The following ARHGAP6 variants were observed in gnomAD, a reference collection of about 807,000 sequenced individuals.
The protein encoded by ARHGAP6 is rho GTPase-activating protein 6.
A neutral mutation model predicts 55.7 loss-of-function variants in ARHGAP6; 16 were observed. The observed-to-expected ratio is 0.29, with a 90% CI of 0.19 to 0.44. The LOEUF is 0.44. Ranked by LOEUF, ARHGAP6 falls within the 20% of genes least tolerant of loss-of-function variation. ARHGAP6 has a pLI of 1.00. For missense variants in ARHGAP6, 698 were observed against 808.9 expected (o/e 0.86, Z 1.66); for synonymous variants, 382 against 360.9 (o/e 1.06, Z -0.66).
At chrX:11,620,913 T>C (rs1021694507) in intron 1 of ARHGAP6, among the ~76,000 whole-genome samples, 6 of 112,236 alleles carry the variant, frequency 5.3e-5, no homozygotes, top group African/African-American at 1.9e-4. Context: ...ACCTGGTTTA[T>C]ATGAAGTTAA....
chrX:11,275,817 C>T (rs1014464446), intron 1 of ARHGAP6, among the ~76,000 whole-genome samples: 1 of 111,300 alleles, frequency 9.0e-6, no homozygotes, highest in African/African-American at 3.3e-5. Flanking sequence ...TGCTCTCAGC[C>T]CAAATGGCTT....
chrX:11,217,944 C>T (rs766228843), intron 2 of ARHGAP6, among the ~76,000 whole-genome samples: 10 of 111,880 alleles, frequency 8.9e-5, no homozygotes, highest in African/African-American at 3.2e-4. Flanking sequence ...TAGCCAGTTT[C>T]CCCAACACCA....
At chrX:11,395,072 C>A (rs980890979) in intron 1 of ARHGAP6, among the ~76,000 whole-genome samples, 1 of 111,934 alleles carries the variant, frequency 8.9e-6, no homozygotes, top group Non-Finnish European at 1.9e-5. Context: ...TGGACTAAGG[C>A]CATGCATTTT....
At chrX:11,636,570 A>G (rs2052422940) in intron 1 of ARHGAP6, among the ~76,000 whole-genome samples, 1 of 111,349 alleles carries the variant, frequency 9.0e-6, no homozygotes, top group Non-Finnish European at 1.9e-5. Flanking sequence ...AAGGTCTCCA[A>G]TGACTTGGGG....
chrX:11,315,255 G>A (rs189624557), intron 1 of ARHGAP6, among the ~76,000 whole-genome samples: 2 of 112,417 alleles, frequency 1.8e-5, no homozygotes, highest in East Asian at 5.6e-4. Context: ...ACAGTGCGGC[G>A]GGGATGGTTT....
At chrX:11,142,203 A>G in intron 12 of ARHGAP6, 30 bp downstream of exon 12, 1 of 1,033,654 alleles carries the variant, frequency 9.7e-7, no homozygotes, top group African/African-American at 1.9e-5. Flanking sequence ...TTAAAAGTAA[A>G]TGCAATAAAG....
chrX:11,486,849 T>C (rs1307289129), intron 1 of ARHGAP6, among the ~76,000 whole-genome samples: 3 of 111,762 alleles, frequency 2.7e-5, no homozygotes, highest in African/African-American at 9.8e-5. Context: ...GTACTGGCAG[T>C]GGCTTGGTAT....
At chrX:11,257,202 T>C (rs992819682) in intron 1 of ARHGAP6, among the ~76,000 whole-genome samples, 5 of 111,727 alleles carry the variant, frequency 4.5e-5, no homozygotes, top group Non-Finnish European at 9.4e-5. Flanking sequence ...ATTTTAGATA[T>C]CAAGCTTAGG....
At chrX:11,584,931 C>T (rs765116489) in intron 1 of ARHGAP6, among the ~76,000 whole-genome samples, 21 of 111,844 alleles carry the variant, frequency 1.9e-4, no homozygotes, top group Admixed American at 5.7e-4. Flanking sequence ...CCCCACCCTC[C>T]ACCCTCCACC....
At chrX:11,592,909 G>A (rs2051854549) in intron 1 of ARHGAP6, among the ~76,000 whole-genome samples, 1 of 111,368 alleles carries the variant, frequency 9.0e-6, no homozygotes, top group Non-Finnish European at 1.9e-5. Context: ...TCACTACCTG[G>A]CAGCATTCTA....
rs570976705 is a variant in ARHGAP6 at position 11,394,850 on chromosome X, G to C, written c.589-140143C>G. ...GCTTTCTAAAATCAGAAGCAAAAAA[G>C]GCATCTGAACAACTATCAGGATTGG... On this transcript the variant is annotated intron_variant, in intron 1 of 12. Coordinates refer to ENST00000337414, the MANE Select transcript of ARHGAP6 (RefSeq NM_013427.3). 3.7e-3 allele frequency among the ~76,000 whole-genome samples: 417 copies of C among 111,704 alleles called. 1 individual carries two copies. The highest frequency in any genetic ancestry group is 0.014 in the Middle Eastern group (3 of 217).
chrX:11,180,060 T>C (rs764551703), intron 6 of ARHGAP6, among the ~76,000 whole-genome samples: 1 of 110,531 alleles, frequency 9.0e-6, no homozygotes, highest in African/African-American at 3.3e-5. Flanking sequence ...TGATAACACA[T>C]TTATGACTAA....
chrX:11,448,275 T>A (rs754163435), intron 1 of ARHGAP6, among the ~76,000 whole-genome samples: 2 of 112,179 alleles, frequency 1.8e-5, no homozygotes, highest in Non-Finnish European at 3.8e-5. Flanking sequence ...GCCTTCCTTA[T>A]CCAGCCTGGA....
chrX:11,236,192 A>G (rs1049414670), intron 2 of ARHGAP6, among the ~76,000 whole-genome samples: 2 of 111,876 alleles, frequency 1.8e-5, no homozygotes, highest in African/African-American at 6.5e-5. Flanking sequence ...ACTTACAATC[A>G]TTGTGGAAGG....
chrX:11,439,273 G>A (rs1004605345), intron 1 of ARHGAP6, among the ~76,000 whole-genome samples: 2 of 112,129 alleles, frequency 1.8e-5, no homozygotes, highest in Non-Finnish European at 3.8e-5. Flanking sequence ...TAAGTGGTTG[G>A]AAAAAATTAA....
At chrX:11,650,585 T>G (rs1601729141) in intron 1 of ARHGAP6, among the ~76,000 whole-genome samples, 1 of 111,928 alleles carries the variant, frequency 8.9e-6, no homozygotes, top group African/African-American at 3.2e-5. Flanking sequence ...TCAAAGAAAA[T>G]GAACTATTTC....
At chrX:11,231,155 A>C (rs1344693742) in intron 2 of ARHGAP6, among the ~76,000 whole-genome samples, 1 of 112,476 alleles carries the variant, frequency 8.9e-6, no homozygotes, top group Non-Finnish European at 1.9e-5. Context: ...TTTCTCAAGA[A>C]AATGGTAAGA....
At chrX:11,600,554 G>A (rs2051956705) in intron 1 of ARHGAP6, among the ~76,000 whole-genome samples, 2 of 112,377 alleles carry the variant, frequency 1.8e-5, no homozygotes. Context: ...GGCTGAAGGA[G>A]CAAGACCTCC....
At chrX:11,346,677 G>C (rs2048787954) in intron 1 of ARHGAP6, among the ~76,000 whole-genome samples, 1 of 102,496 alleles carries the variant, frequency 9.8e-6, no homozygotes, top group African/African-American at 3.7e-5. Flanking sequence ...CCACTGCACT[G>C]TAGCTTGGGT....
Sources: gnomAD v4.1 joint callset for allele counts (sites outside exome capture counted in the v4.1 genomes callset) on GRCh38, gnomAD v4.1.1 for gene constraint, MANE v1.5 for transcripts, NCBI Gene and HGNC (gene_info 2026-07-23, HGNC 2026-07-21) for gene names.